BDKRB2: variants seen among roughly 807,000 people sequenced by gnomAD.
The protein encoded by BDKRB2 is bradykinin receptor B2, also known as B2 bradykinin receptor.
Under a neutral mutation model 4.0 loss-of-function variants are expected in BDKRB2, and 6 were observed. The observed-to-expected ratio is 1.49, with a 90% CI of 0.81 to 2.93. The LOEUF is 2.93. Ranked by LOEUF, BDKRB2 falls within the 30% of genes most tolerant of loss-of-function variation. BDKRB2 has a pLI of 0.00. For synonymous variants in BDKRB2, 225 were observed against 215.3 expected (o/e 1.05, Z -0.40); for missense variants, 478 against 520.1 (o/e 0.92, Z 0.79).
intron 1 of BDKRB2, among the ~76,000 whole-genome samples, chr14:96,214,189 T>C (rs1890365320): frequency 6.6e-6 from 1 of 152,146 alleles, no homozygotes. Flanking sequence ...ATGTTTTCCA[T>C]GAGGATGAGT....
chr14:96,230,540 G>A (rs1376040287), intron 1 of BDKRB2, among the ~76,000 whole-genome samples: 4 of 145,092 alleles, frequency 2.8e-5, no homozygotes, highest in South Asian at 2.2e-4. Context: ...GATTATAGGC[G>A]CCCGCCACCA....
chr14:96,238,159 C>T (rs1888493195), intron 2 of BDKRB2: 2 of 931,334 alleles, frequency 2.1e-6, no homozygotes, highest in Non-Finnish European at 2.6e-6. Flanking sequence ...TTGGAAGATT[C>T]AAAGGCTAGG....
chr14:96,240,373 G>T (rs201793455), intron 2 of BDKRB2, 30 bp from the exon 3 acceptor site: 7 of 1,422,524 alleles, frequency 4.9e-6, no homozygotes, highest in Non-Finnish European at 5.5e-6. Flanking sequence ...GACCCTGAGG[G>T]GTAACAGCCT....
At chr14:96,234,545 G>A (rs139736433) in intron 1 of BDKRB2, among the ~76,000 whole-genome samples, 11 of 152,310 alleles carry the variant, frequency 7.2e-5, no homozygotes, top group African/African-American at 1.4e-4. Flanking sequence ...GCAGGACACA[G>A]CAGCTCCCTG....
Position 96,240,404 on chromosome 14 carries a change from G to T in BDKRB2, c.76G>T (p.Ala26Ser). ...AGCCTCTTTTCCACTTTCTTTCAGC[G>T]CCGACATGCTCAATGTCACCTTGCA... Reference protein sequence around the residue: ...DSVPTTASFSADMLNVTLQGP... With the variant: ...DSVPTTASFSSDMLNVTLQGP... The change falls in exon 3 of 3, where the codon GCC becomes TCC. Residue 26 changes from alanine to serine, a missense_variant and splice_region_variant. By Grantham distance (99) the Ala-to-Ser change is moderately conservative (BLOSUM62 1). Coordinates refer to ENST00000554311, the MANE Select transcript of BDKRB2 (RefSeq NM_001379692.1). The T allele has an allele frequency of 7.0e-7, 1 of 1,427,956 alleles. No individual in the cohort carries two copies. 88.5% of individuals were successfully genotyped at this position (1,427,956 alleles called of 1,614,324 possible).
At chr14:96,228,622 T>TA (rs767787848) in intron 1 of BDKRB2, among the ~76,000 whole-genome samples, 6 of 152,196 alleles carry the variant, frequency 3.9e-5, no homozygotes, top group African/African-American at 7.2e-5. Flanking sequence ...TTGGGGTTTT[T>TA]ATGGGTATAG....
rs201448595 is a variant in BDKRB2 at position 96,240,597 on chromosome 14, C to T, written c.269C>T (p.Thr90Met). 1.2e-5 allele frequency: 19 copies of T among 1,551,208 alleles called. No individual in the cohort carries two copies. Among genetic ancestry groups the T allele is most frequent in the South Asian group, 6.3e-5 (5 of 79,530 alleles). Reference sequence around the variant, plus strand: ...TTCTGCCTGCACAAGAGCAGCTGCACGGTGGCAGAGATCTACCTGGGGAAC... The same window carrying T: ...TTCTGCCTGCACAAGAGCAGCTGCATGGTGGCAGAGATCTACCTGGGGAAC... ...SVFCLHKSSC[T>M]VAEIYLGNLA... is the part of the protein sequence containing the mutation. The change falls in exon 3 of 3, where the codon ACG (threonine) becomes ATG (methionine). Residue 90 changes from threonine (T) to methionine (M), a missense_variant. Physicochemically the swap from Thr to Met is moderately conservative, Grantham distance 81. Transcript: ENST00000554311.
chr14:96,218,695 A>T (rs559356542), intron 1 of BDKRB2, among the ~76,000 whole-genome samples: 2 of 152,226 alleles, frequency 1.3e-5, no homozygotes, highest in East Asian at 3.9e-4. Context: ...GGGCAGGCAG[A>T]TCACTTGAGG....
intron 1 of BDKRB2, among the ~76,000 whole-genome samples, chr14:96,225,854 G>A (rs1318503519): frequency 1.3e-5 from 2 of 152,158 alleles, no homozygotes; most frequent in South Asian, 2.1e-4. Context: ...TTTGCACGTG[G>A]TGGAGGAGCA....
chr14:96,239,837 A>G, intron 2 of BDKRB2: 1 of 985,338 alleles, frequency 1.0e-6, no homozygotes, highest in Non-Finnish European at 1.2e-6. Context: ...TCCTCCAATC[A>G]TCTTCAGTGC....
At chr14:96,222,572 A>G (rs764221833) in intron 1 of BDKRB2, among the ~76,000 whole-genome samples, 2 of 152,088 alleles carry the variant, frequency 1.3e-5, no homozygotes, top group Non-Finnish European at 2.9e-5. Flanking sequence ...GTCAAAGACC[A>G]AATATGTATT....
chr14:96,224,887 G>C (rs746373256), intron 1 of BDKRB2, among the ~76,000 whole-genome samples: 11 of 152,198 alleles, frequency 7.2e-5, no homozygotes, highest in Non-Finnish European at 1.2e-4. Context: ...GAAGACAAAG[G>C]TCACATGGCT....
intron 1 of BDKRB2, among the ~76,000 whole-genome samples, chr14:96,216,766 G>GGAGGAGGAAGGAGGAGAAGAA (rs1566688946): frequency 2.6e-5 from 3 of 113,428 alleles, no homozygotes; most frequent in Non-Finnish European, 5.8e-5. Context: ...AGGAGGAGGA[G>GGAGGAGGAAGGAGGAGAAGAA]GAAGGAGGAG....
chr14:96,221,987 G>A (rs996424717), intron 1 of BDKRB2, among the ~76,000 whole-genome samples: 12 of 152,054 alleles, frequency 7.9e-5, no homozygotes, highest in African/African-American at 2.9e-4. Flanking sequence ...CAGGATAAGA[G>A]CTCAGTCCCA....
intron 1 of BDKRB2, among the ~76,000 whole-genome samples, chr14:96,229,154 G>C (rs1342800241): frequency 1.3e-5 from 2 of 152,168 alleles, no homozygotes; most frequent in Admixed American, 6.5e-5. Context: ...CCTACTAGGT[G>C]TCAGGCACTT....
rs564463069 is a variant in BDKRB2, at chr14:96,236,957, T to C, written c.-39-112T>C. ...GCTGTGTGGGAGCACTTCACAAACG[T>C]CCATTGAGTCAGGGACTCAGCAGTC... On this transcript the variant is annotated intron_variant, in intron 1 of 2. Coordinates refer to ENST00000554311, the MANE Select transcript of BDKRB2 (RefSeq NM_001379692.1). 4 of 699,362 alleles carry C rather than the reference T, an allele frequency of 5.7e-6. No individual in the cohort carries two copies. In the South Asian group the frequency reaches 6.8e-5, roughly 12 times the overall value. The allele number at this position is 699,362 out of a possible 1,614,324, so 43.3% of individuals were successfully genotyped here. A position where few individuals can be genotyped will look rare whatever the true frequency, so the allele number is the denominator to read the frequency against.
At chr14:96,237,619 A>G in intron 2 of BDKRB2, 1 of 1,234,172 alleles carries the variant, frequency 8.1e-7, no homozygotes, top group Non-Finnish European at 1.0e-6. Flanking sequence ...GACCTGAGCC[A>G]GAGTAGAAGC....
intron 1 of BDKRB2, among the ~76,000 whole-genome samples, chr14:96,215,037 A>G (rs1890386387): frequency 1.3e-5 from 2 of 152,224 alleles, no homozygotes; most frequent in African/African-American, 4.8e-5. Flanking sequence ...CATTCCAAAC[A>G]CTTGGCTTAT....
chr14:96,219,163 G>A (rs984089238), intron 1 of BDKRB2, among the ~76,000 whole-genome samples: 37 of 151,766 alleles, frequency 2.4e-4, no homozygotes, highest in Non-Finnish European at 2.4e-4. Context: ...TTAGCAGGGC[G>A]TGGTAGCATG....
Sources: allele counts gnomAD v4.1 joint callset (sites outside exome capture counted in the v4.1 genomes callset), GRCh38; gene constraint gnomAD v4.1.1; transcripts MANE v1.5; gene names NCBI Gene and HGNC (gene_info 2026-07-23, HGNC 2026-07-21).